COL3A1: variants seen among roughly 807,000 people sequenced by gnomAD.
The protein encoded by COL3A1 is collagen alpha-1(III) chain.
A neutral mutation model predicts 200.9 loss-of-function variants in COL3A1; 46 were observed. The observed-to-expected ratio is 0.23, with a 90% CI of 0.18 to 0.29. The LOEUF (loss-of-function observed/expected upper bound fraction) is 0.29, where lower values mean the gene tolerates loss of function less well. COL3A1 is among the 10% of genes least tolerant of loss of function. The probability of loss-of-function intolerance (pLI) is 1.00; values close to 1 mark genes in which losing one functional copy is unlikely to be tolerated. For missense variants in COL3A1, 1,367 were observed against 1,917.6 expected, an observed-to-expected ratio of 0.71 and a Z score of 5.36; for synonymous variants, 650 against 628.0, an observed-to-expected ratio of 1.03 and a Z score of -0.52.
chr2:188,976,546 A>G (rs1687820910), intron 1 of COL3A1, among the ~76,000 whole-genome samples: 1 of 152,112 alleles, frequency 6.6e-6, no homozygotes, highest in African/African-American at 2.4e-5. Context: ...GCTATTAGAT[A>G]AGCTTTGGAA....
At chr2:188,988,178 A>G in intron 6 of COL3A1, 44 bp downstream of exon 6, 1 of 1,498,138 alleles carries the variant, frequency 6.7e-7, no homozygotes, top group Non-Finnish European at 9.3e-7. Flanking sequence ...ATTTTTAGAA[A>G]AATCAAATTA....
chr2:188,975,741 G>T (rs1687795916), intron 1 of COL3A1, among the ~76,000 whole-genome samples: 1 of 152,022 alleles, frequency 6.6e-6, no homozygotes, highest in Admixed American at 6.6e-5. Flanking sequence ...TCAGCCCATG[G>T]ACACAAAAGA....
At chr2:188,991,596 CTT>C (rs553126550) in intron 12 of COL3A1, 65 bp downstream of exon 12, 14 of 1,603,628 alleles carry the variant, frequency 8.7e-6, no homozygotes, top group Non-Finnish European at 1.1e-5. Context: ...CTAAAACTGG[CTT>C]TGCTCCCACC....
At chr2:188,977,302 T>C (rs1687841725) in intron 1 of COL3A1, among the ~76,000 whole-genome samples, 2 of 152,142 alleles carry the variant, frequency 1.3e-5, no homozygotes, top group South Asian at 4.1e-4. Flanking sequence ...TTTGAGTTTC[T>C]ATATTTTGCT....
chr2:188,999,912 A>T lies in COL3A1; in HGVS notation c.2283+17A>T. On this transcript the variant is annotated intron_variant, in intron 32 of 50. Coordinates refer to ENST00000304636, the MANE Select transcript of COL3A1 (RefSeq NM_000090.4). ...GGCCCAAGGGTGAGTATTCCCAGTG[A>T]GGAGAAGCAGGCCTTATCTATATGT... is the stretch of plus-strand genomic sequence containing the variant. The T allele has an allele frequency of 6.3e-7, 1 of 1,578,510 alleles. No homozygotes were observed.
intron 30 of COL3A1, 36 bp from the exon 31 acceptor site, chr2:188,999,434 C>A: frequency 6.2e-7 from 1 of 1,613,848 alleles, no homozygotes. Flanking sequence ...CATTTGATTT[C>A]CTTCTGATCA....
At chr2:188,990,942 T>C (rs752865849) in intron 10 of COL3A1, 62 bp from the exon 11 acceptor site, 14 of 1,525,450 alleles carry the variant, frequency 9.2e-6, no homozygotes, top group Non-Finnish European at 1.3e-5. Flanking sequence ...ATGTAAACTT[T>C]ATCAATCATT....
At chr2:188,997,262 C>T (rs760473389) in intron 25 of COL3A1, 44 bp downstream of exon 25, 49 of 1,611,944 alleles carry the variant, frequency 3.0e-5, no homozygotes, top group East Asian at 4.5e-5. Context: ...CTAATAGATG[C>T]GTTCATCTCC....
rs1688053631 is a variant in COL3A1 at position 188,985,760 on chromosome 2, A to T, written c.429A>T (p.Ser143=). The T allele has an allele frequency of 1.2e-6, 2 of 1,611,244 alleles. No individual in the cohort carries two copies. Among genetic ancestry groups the T allele is most frequent in the Non-Finnish European group, 1.7e-6 (2 of 1,178,268 alleles). Reference sequence around the variant, plus strand: ...CTGGCCCCCCTGGAATCTGTGAATCATGCCCTACTGGTCCTCAGGTATAAC... The same window carrying T: ...CTGGCCCCCCTGGAATCTGTGAATCTTGCCCTACTGGTCCTCAGGTATAAC... The part of the protein sequence containing the change: ...GSPGPPGICE[S]CPTGPQNYSP... Residue 143 remains serine, a synonymous_variant, in exon 4 of 51, where the codon TCA becomes TCT. Transcript: ENST00000304636.
rs1399453028 is a variant in COL3A1 at position 189,006,353 on chromosome 2, T to C, written c.3102T>C (p.Arg1034=). Residue 1034 remains arginine (R), a synonymous_variant, in exon 43 of 51, where the codon CGT becomes CGC. Transcript: ENST00000304636. ...TATGAATTTGTTCACAGGGTGATCG[T>C]GGTGAAAATGGCTCTCCTGGTGCCC... ...RDGSPGGKGD[R]GENGSPGAPG... The C allele has an allele frequency of 1.2e-6, 2 of 1,614,158 alleles. No individual in the cohort carries two copies. The highest frequency in any genetic ancestry group is 3.3e-5 in the Admixed American group (2 of 60,022).
chr2:188,987,283 G>A, intron 5 of COL3A1, 144 bp downstream of exon 5: 1 of 711,582 alleles, frequency 1.4e-6, no homozygotes, highest in Non-Finnish European at 2.5e-6. Flanking sequence ...AAAAGAAAAT[G>A]GTAGCATTAT....
At chr2:188,992,080 T>C (rs1688201578) in intron 13 of COL3A1, 104 bp from the exon 14 acceptor site, 1 of 1,073,180 alleles carries the variant, frequency 9.3e-7, no homozygotes, top group African/African-American at 1.6e-5. Context: ...TTTAATGTAC[T>C]TGAAGAAAAC....
intron 40 of COL3A1, 151 bp downstream of exon 40, chr2:189,004,515 A>G (rs1347972653): frequency 1.4e-6 from 1 of 710,188 alleles, no homozygotes; most frequent in Non-Finnish European, 2.4e-6. Context: ...AAAAGCATAA[A>G]TTTTAATAAA....
Position 188,994,154 on chromosome 2 carries a change from T to C in COL3A1, c.1194+72T>C. On this transcript the variant is annotated intron_variant, in intron 17 of 50. Coordinates refer to ENST00000304636, the MANE Select transcript of COL3A1 (RefSeq NM_000090.4). This position sits in a 1 kb window ranked among gnomAD's most constrained non-coding sequence, Gnocchi z 4.5. ...GCTTCTTTTGCATTTTGCATGACAATAGATTTGTGATATTTAAGTGAGATA... is the reference window on the plus strand; with the variant it reads ...GCTTCTTTTGCATTTTGCATGACAACAGATTTGTGATATTTAAGTGAGATA... 2 of 1,609,500 alleles carry C rather than the reference T, an allele frequency of 1.2e-6. No individual in the cohort carries two copies. The highest frequency in any genetic ancestry group is 1.7e-6 in the Non-Finnish European group (2 of 1,175,816).
Position 188,991,661 on chromosome 2 carries a change from C to A in COL3A1, c.898-8C>A, listed in dbSNP as rs766564882. 11 of 1,613,874 alleles carry A rather than the reference C, an allele frequency of 6.8e-6. No individual in the cohort carries two copies. In the South Asian group the frequency reaches 1.2e-4, roughly 18 times the overall value. On this transcript the variant is annotated splice_region_variant and splice_polypyrimidine_tract_variant and intron_variant, in intron 12 of 50. Transcript: ENST00000304636. ...AGAGTAAAACCATATTTCAATTTTA[C>A]TCTGTAGGGTCCAAGAGGGGCTCCT...
rs1576455600 is a variant in COL3A1 at position 188,974,531 on chromosome 2, T to C, written c.42T>C (p.Ala14=). 1 of 1,614,106 alleles carries C rather than the reference T, an allele frequency of 6.2e-7. No individual in the cohort carries two copies. The highest frequency in any genetic ancestry group is 8.5e-7 in the Non-Finnish European group (1 of 1,179,974). Residue 14 remains alanine, a synonymous_variant, in exon 1 of 51, where the codon GCT becomes GCC. Transcript: ENST00000304636. ...AAAAGGGGAGCTGGCTACTTCTCGC[T>C]CTGCTTCATCCCACTATTATTTTGG... ...FVQKGSWLLL[A]LLHPTIILAQ... is the part of the protein sequence containing the mutation.
chr2:188,987,355 TA>T (rs200811296), intron 5 of COL3A1, among the ~76,000 whole-genome samples: 51 of 144,074 alleles, frequency 3.5e-4, no homozygotes, highest in East Asian at 8.0e-4. Flanking sequence ...AAATTTTTAC[TA>T]AAAAAAAAAA....
At chr2:188,989,498 T>G (rs759468533) in intron 8 of COL3A1, 49 bp downstream of exon 8, 2 of 1,356,718 alleles carry the variant, frequency 1.5e-6, no homozygotes, top group African/African-American at 2.9e-5. Context: ...TAACTTGGTG[T>G]ATTCTAAACA....
intron 1 of COL3A1, among the ~76,000 whole-genome samples, chr2:188,978,483 T>A (rs1181821298): frequency 6.6e-6 from 1 of 151,982 alleles, no homozygotes; most frequent in African/African-American, 2.4e-5. Flanking sequence ...CAGTTTCCAT[T>A]GTGAATGGCT....
Sources: allele counts gnomAD v4.1 joint callset (sites outside exome capture counted in the v4.1 genomes callset), GRCh38; gene constraint gnomAD v4.1.1; non-coding constraint Gnocchi (gnomAD v3.1); transcripts MANE v1.5; gene names NCBI Gene and HGNC (gene_info 2026-07-23, HGNC 2026-07-21).